The following GRB14 variants were observed in gnomAD, a reference collection of about 807,000 sequenced individuals.
The protein encoded by GRB14 is growth factor receptor-bound protein 14.
Under a neutral mutation model 69.1 loss-of-function variants are expected in GRB14, and 38 were observed. The observed-to-expected ratio is 0.55, with a 90% CI of 0.42 to 0.72. The LOEUF (loss-of-function observed/expected upper bound fraction) is 0.72, where lower values mean the gene tolerates loss of function less well. GRB14 is among the 30% of genes least tolerant of loss of function. The probability of loss-of-function intolerance (pLI) is 0.00; values close to 1 mark genes in which losing one functional copy is unlikely to be tolerated. For synonymous variants in GRB14, 247 were observed against 241.3 expected, an observed-to-expected ratio of 1.02 and a Z score of -0.22; for missense variants, 666 against 666.1, an observed-to-expected ratio of 1.00 and a Z score of 0.00.
Position 164,621,241 on chromosome 2 carries a change from G to T in GRB14, c.69C>A (p.Ala23=), listed in dbSNP as rs772470515. The change falls in exon 1 of 14, where the codon GCC becomes GCA. Residue 23 remains alanine (A), a synonymous_variant. Transcript: ENST00000263915. This position sits in a 1 kb window ranked among gnomAD's most constrained non-coding sequence, Gnocchi z 6.0. The stretch of plus-strand genomic sequence containing the variant: ...CCTGGGCAGCGCCACACACCTGGGC[G>T]GCCAGCGGCGAATCCCGGGCAGCCG... The part of the protein sequence containing the change: ...SRAAARDSPL[A]AQVCGAAQGR... 1 of 1,269,526 alleles carries T rather than the reference G, an allele frequency of 7.9e-7. No individual in the cohort carries two copies. The highest frequency in any genetic ancestry group is 3.6e-5 in the South Asian group (1 of 27,796). The allele number at this position is 1,269,526 out of a possible 1,614,324, so 78.6% of individuals were successfully genotyped here. A position where few individuals can be genotyped will look rare whatever the true frequency, so the allele number is the denominator to read the frequency against.
chr2:164,606,971 T>C (rs1051299067), intron 2 of GRB14, among the ~76,000 whole-genome samples: 4 of 152,148 alleles, frequency 2.6e-5, no homozygotes, highest in Non-Finnish European at 5.9e-5. Flanking sequence ...TTAACTGGCA[T>C]ACATGGGCTG....
intron 4 of GRB14, among the ~76,000 whole-genome samples, chr2:164,525,840 G>C (rs2105287247): frequency 6.6e-6 from 1 of 152,092 alleles, no homozygotes; most frequent in African/African-American, 2.4e-5. Context: ...TAGATGTTTA[G>C]AGTATTCCTA....
intron 5 of GRB14, 46 bp from the exon 6 acceptor site, chr2:164,522,163 T>C (rs368838592): frequency 9.3e-7 from 1 of 1,078,310 alleles, no homozygotes. Flanking sequence ...AAATCAATGA[T>C]ATGGTAGCCT....
chr2:164,550,838 G>A (rs957651667), intron 2 of GRB14, among the ~76,000 whole-genome samples: 1 of 152,094 alleles, frequency 6.6e-6, no homozygotes. Context: ...TCAGTGGTAC[G>A]TGCAAAATTA....
At chr2:164,604,559 C>T (rs1489287323) in intron 2 of GRB14, among the ~76,000 whole-genome samples, 1 of 151,170 alleles carries the variant, frequency 6.6e-6, no homozygotes, top group East Asian at 1.9e-4. Context: ...TCCCTCACAG[C>T]AGGAAAAAGG....
chr2:164,549,921 A>G (rs914000072), intron 2 of GRB14, among the ~76,000 whole-genome samples: 11 of 139,824 alleles, frequency 7.9e-5, no homozygotes, highest in Non-Finnish European at 1.5e-4. Context: ...AATAAAATAA[A>G]ATAAAATAAA....
intron 6 of GRB14, among the ~76,000 whole-genome samples, chr2:164,519,798 C>T (rs1424150215): frequency 6.6e-6 from 1 of 151,890 alleles, no homozygotes; most frequent in East Asian, 1.9e-4. Flanking sequence ...TAGGAATATA[C>T]CTAACCAAGA....
intron 3 of GRB14, among the ~76,000 whole-genome samples, chr2:164,543,127 T>C (rs1417880146): frequency 1.3e-5 from 2 of 151,454 alleles, no homozygotes; most frequent in Admixed American, 1.3e-4. Context: ...ACCCCATCTC[T>C]ACTAAAAATA....
At chr2:164,595,098 T>C (rs1216638238) in intron 2 of GRB14, among the ~76,000 whole-genome samples, 1 of 152,204 alleles carries the variant, frequency 6.6e-6, no homozygotes, top group East Asian at 1.9e-4. Flanking sequence ...ATGTGTTTAT[T>C]AGATAAATCA....
At chr2:164,536,501 C>A (rs1688083185) in intron 3 of GRB14, among the ~76,000 whole-genome samples, 1 of 152,162 alleles carries the variant, frequency 6.6e-6, no homozygotes, top group Admixed American at 6.5e-5. Flanking sequence ...CACAATACAT[C>A]TTTAAACCTG....
At chr2:164,534,550 C>T (rs989410342) in intron 3 of GRB14, among the ~76,000 whole-genome samples, 1 of 152,064 alleles carries the variant, frequency 6.6e-6, no homozygotes, top group Non-Finnish European at 1.5e-5. Flanking sequence ...TGAAATGTTG[C>T]TGAAGACCAA....
chr2:164,514,868 C>T (rs376926914), intron 6 of GRB14, among the ~76,000 whole-genome samples: 7 of 152,224 alleles, frequency 4.6e-5, no homozygotes, highest in South Asian at 2.1e-4. Flanking sequence ...GTGCTGTTGG[C>T]GGGGCATGGA....
intron 2 of GRB14, among the ~76,000 whole-genome samples, chr2:164,556,465 T>C (rs1055425369): frequency 1.3e-5 from 2 of 152,174 alleles, no homozygotes; most frequent in African/African-American, 4.8e-5. Flanking sequence ...ATTACAAGGA[T>C]TGACACAAAC....
At chr2:164,521,680 G>C (rs1391388456) in intron 6 of GRB14, among the ~76,000 whole-genome samples, 1 of 152,038 alleles carries the variant, frequency 6.6e-6, no homozygotes, top group Non-Finnish European at 1.5e-5. Context: ...ACTACATCAG[G>C]CTTCAAACTC....
chr2:164,542,856 G>T (rs2105305692), intron 3 of GRB14, among the ~76,000 whole-genome samples: 1 of 152,228 alleles, frequency 6.6e-6, no homozygotes, highest in East Asian at 1.9e-4. Flanking sequence ...ATTTAAAAAA[G>T]AACTATCATC....
chr2:164,525,548 T>A (rs1344305085), intron 4 of GRB14, among the ~76,000 whole-genome samples: 2 of 152,034 alleles, frequency 1.3e-5, no homozygotes, highest in Non-Finnish European at 2.9e-5. Flanking sequence ...TCTTTCTACC[T>A]ACCATTTTTC....
intron 9 of GRB14, among the ~76,000 whole-genome samples, chr2:164,499,908 T>C (rs1476407115): frequency 1.3e-5 from 2 of 152,126 alleles, no homozygotes; most frequent in Non-Finnish European, 2.9e-5. Flanking sequence ...AATGTAATGG[T>C]TTCTAGATTA....
intron 3 of GRB14, among the ~76,000 whole-genome samples, chr2:164,537,088 G>A (rs1449114477): frequency 1.3e-5 from 2 of 152,156 alleles, no homozygotes; most frequent in African/African-American, 4.8e-5. Context: ...AGAGGCAGGT[G>A]TGTCTCCCGG....
chr2:164,582,629 C>T (rs945288316), intron 2 of GRB14, among the ~76,000 whole-genome samples: 4 of 152,062 alleles, frequency 2.6e-5, no homozygotes, highest in Non-Finnish European at 5.9e-5. Context: ...CCATCTTGGC[C>T]AGGCTGGTCC....
Sources: gnomAD v4.1 joint callset for allele counts (sites outside exome capture counted in the v4.1 genomes callset) on GRCh38, gnomAD v4.1.1 for gene constraint, Gnocchi (gnomAD v3.1) non-coding constraint, MANE v1.5 for transcripts, NCBI Gene and HGNC (gene_info 2026-07-23, HGNC 2026-07-21) for gene names.